Variants in HS3ST5 observed in about 807,000 individuals in gnomAD.
HS3ST5 encodes the protein heparan sulfate-glucosamine 3-sulfotransferase 5.
In HS3ST5, 10 loss-of-function variants were observed where a neutral mutation model predicts 25.4. The ratio of observed to expected loss-of-function variants is 0.39; its 90% CI spans 0.24 to 0.67. The LOEUF (loss-of-function observed/expected upper bound fraction) is 0.67, where lower values mean the gene tolerates loss of function less well. Among genes scored for constraint, HS3ST5 ranks in the 30% least tolerant of loss-of-function variants. HS3ST5 has a pLI of 0.44. For synonymous variants in HS3ST5, 170 were observed against 162.4 expected, an observed-to-expected ratio of 1.05 and a Z score of -0.36; for missense variants, 324 against 420.7, an observed-to-expected ratio of 0.77 and a Z score of 2.01.
At chr6:114,117,699 C>T (rs1170620679) in intron 3 of HS3ST5, among the ~76,000 whole-genome samples, 1 of 152,056 alleles carries the variant, frequency 6.6e-6, no homozygotes, top group African/African-American at 2.4e-5. Flanking sequence ...TAAAAAGAAA[C>T]CAGAAAAATG....
At chr6:114,207,879 C>A (rs1370836776) in intron 2 of HS3ST5, among the ~76,000 whole-genome samples, 1 of 152,096 alleles carries the variant, frequency 6.6e-6, no homozygotes, top group Non-Finnish European at 1.5e-5. Context: ...TACTCTATAT[C>A]ATACTATGCT....
rs1776838943 is a variant in HS3ST5, at chr6:114,341,222, G to GAGAGAGAGAGAGAGAGAGA, written c.-339+972_-339+973insTCTCTCTCTCTCTCTCTCT. ...AGGGAGAGGGAATAGGGAGAGAGGG[G>GAGAGAGAGAGAGAGAGAGA]GAGAGAGAGAGAGAGAGAGAGAGAG... On this transcript the variant is annotated intron_variant, in intron 1 of 4. Transcript: ENST00000312719. Among the ~76,000 whole-genome samples, 11 of 46,634 alleles carry GAGAGAGAGAGAGAGAGAGA rather than the reference G, an allele frequency of 2.4e-4. 1 individual carries two copies. The highest frequency in any genetic ancestry group is 1.2e-3 in the African/African-American group (10 of 8,026). 30.6% of individuals were successfully genotyped at this position (46,634 alleles called of 152,430 possible). A position where few individuals can be genotyped will look rare whatever the true frequency, so the allele number is the denominator to read the frequency against.
At chr6:114,250,081 G>A (rs1350984750) in intron 1 of HS3ST5, among the ~76,000 whole-genome samples, 2 of 152,100 alleles carry the variant, frequency 1.3e-5, no homozygotes, top group Admixed American at 6.5e-5. Context: ...CTGAATTTTA[G>A]GGGACAGTCT....
At chr6:114,071,704 T>C (rs1271373112) in intron 3 of HS3ST5, among the ~76,000 whole-genome samples, 1 of 152,258 alleles carries the variant, frequency 6.6e-6, no homozygotes, top group Non-Finnish European at 1.5e-5. Flanking sequence ...TTTGTCTTTG[T>C]ATACTACTTA....
intron 1 of HS3ST5, among the ~76,000 whole-genome samples, chr6:114,313,418 C>T (rs931753803): frequency 1.3e-5 from 2 of 152,092 alleles, no homozygotes; most frequent in African/African-American, 4.8e-5. Context: ...TATAATAGCC[C>T]TAAACTGTAA....
chr6:114,076,728 T>C (rs993542005), intron 3 of HS3ST5, among the ~76,000 whole-genome samples: 2 of 152,192 alleles, frequency 1.3e-5, no homozygotes, highest in East Asian at 1.9e-4. Flanking sequence ...AGCACTGTAA[T>C]GAGAAAGAAA....
rs567658006 is a variant in HS3ST5 at position 114,328,358 on chromosome 6, A to G, written c.-339+13837T>C. The stretch of plus-strand genomic sequence containing the variant: ...AATTTCTTTCCATCTGTGCCACCCA[A>G]ACACCTCCATTCCTTCCTACCCATC... On this transcript the variant is annotated intron_variant, in intron 1 of 4. Transcript: ENST00000312719. Among the ~76,000 whole-genome samples, 13 of 152,254 alleles carry G rather than the reference A, an allele frequency of 8.5e-5. No homozygotes were observed. The South Asian group carries it at 2.5e-3, about 29-fold the overall frequency.
intron 3 of HS3ST5, among the ~76,000 whole-genome samples, chr6:114,085,714 T>C (rs116686285): frequency 1.2e-3 from 177 of 152,322 alleles, no homozygotes; most frequent in African/African-American, 4.0e-3. Flanking sequence ...GATTTTATTT[T>C]ATGTTAGGGA....
chr6:114,330,544 G>A (rs1039911668), intron 1 of HS3ST5, among the ~76,000 whole-genome samples: 8 of 152,148 alleles, frequency 5.3e-5, no homozygotes, highest in African/African-American at 1.9e-4. Flanking sequence ...CCAACCTTCT[G>A]GTTTAGTGAT....
intron 3 of HS3ST5, among the ~76,000 whole-genome samples, chr6:114,073,483 A>C (rs567313874): frequency 6.6e-6 from 1 of 152,278 alleles, no homozygotes; most frequent in East Asian, 1.9e-4. Flanking sequence ...GCAAAGGATA[A>C]GAACAGACAC....
intron 1 of HS3ST5, among the ~76,000 whole-genome samples, chr6:114,291,481 T>G (rs879588623): frequency 1.3e-5 from 2 of 152,208 alleles, no homozygotes; most frequent in Non-Finnish European, 2.9e-5. Flanking sequence ...AAGCAGGGAC[T>G]GAACCTCGGG....
At chr6:114,222,638 G>C (rs893540792) in intron 2 of HS3ST5, among the ~76,000 whole-genome samples, 3 of 151,774 alleles carry the variant, frequency 2.0e-5, no homozygotes, top group African/African-American at 7.2e-5. Context: ...GGTTGCTATG[G>C]CACAGTGTAT....
intron 1 of HS3ST5, among the ~76,000 whole-genome samples, chr6:114,246,786 A>C (rs1772400204): frequency 6.6e-6 from 1 of 152,216 alleles, no homozygotes; most frequent in African/African-American, 2.4e-5. Flanking sequence ...CACCGAAAAG[A>C]ATATGGGTTT....
At chr6:114,263,591 CATT>C (rs972276419) in intron 1 of HS3ST5, among the ~76,000 whole-genome samples, 3 of 152,160 alleles carry the variant, frequency 2.0e-5, no homozygotes, top group African/African-American at 7.2e-5. Context: ...AAGTTTCTAT[CATT>C]GATTTCTAAC....
chr6:114,288,473 T>C (rs559273783), intron 1 of HS3ST5, among the ~76,000 whole-genome samples: 1 of 152,200 alleles, frequency 6.6e-6, no homozygotes, highest in East Asian at 1.9e-4. Flanking sequence ...AAAAAATAAA[T>C]TATTTGCTAT....
At chr6:114,094,801 A>G (rs1172637162) in intron 3 of HS3ST5, among the ~76,000 whole-genome samples, 1 of 152,174 alleles carries the variant, frequency 6.6e-6, no homozygotes, top group Non-Finnish European at 1.5e-5. Context: ...TGTCTAGCCC[A>G]CATAGCAAAG....
intron 2 of HS3ST5, among the ~76,000 whole-genome samples, chr6:114,206,955 A>T (rs924661337): frequency 1.3e-5 from 2 of 152,214 alleles, no homozygotes; most frequent in Non-Finnish European, 2.9e-5. Context: ...TCTTCAGTCT[A>T]CTTGAGTCTG....
chr6:114,214,056 C>A (rs968703109), intron 2 of HS3ST5, among the ~76,000 whole-genome samples: 1 of 152,186 alleles, frequency 6.6e-6, no homozygotes, highest in Admixed American at 6.5e-5. Flanking sequence ...TCTTATCTTA[C>A]CTTTGGATAT....
rs1047930400 is a variant in HS3ST5, at chr6:114,139,395, C to CA, written c.-33+28955dup. On this transcript the variant is annotated intron_variant, in intron 3 of 4. Coordinates refer to ENST00000312719, the MANE Select transcript of HS3ST5 (RefSeq NM_153612.4). ...GCAAATGACATTAGGGACAAAAGTTCAAAAAAAAAAAAGATGAGGGAGGAG... is the reference window on the plus strand; with the variant it reads ...GCAAATGACATTAGGGACAAAAGTTCAAAAAAAAAAAAAGATGAGGGAGGAG... 4.0e-3 allele frequency among the ~76,000 whole-genome samples: 553 copies of CA among 137,966 alleles called. 1 individual carries two copies. Among genetic ancestry groups the CA allele is most frequent in the African/African-American group, 5.9e-3 (221 of 37,692 alleles). The allele number at this position is 137,966 out of a possible 152,430, so 90.5% of individuals were successfully genotyped here.
Sources: allele counts gnomAD v4.1 joint callset (sites outside exome capture counted in the v4.1 genomes callset), GRCh38; gene constraint gnomAD v4.1.1; transcripts MANE v1.5; gene names NCBI Gene and HGNC (gene_info 2026-07-23, HGNC 2026-07-21).